Variants in RBFOX1 observed in about 807,000 individuals in gnomAD.
RBFOX1 encodes RNA binding fox-1 homolog 1, also known as RNA binding protein fox-1 homolog 1.
Under a neutral mutation model 57.7 loss-of-function variants are expected in RBFOX1, and 8 were observed. The observed-to-expected ratio is 0.14, with a 90% CI of 0.08 to 0.25. The LOEUF (loss-of-function observed/expected upper bound fraction) is 0.25, where lower values mean the gene tolerates loss of function less well. Among genes scored for constraint, RBFOX1 ranks in the 10% least tolerant of loss-of-function variants. RBFOX1 has a pLI of 1.00. For synonymous variants in RBFOX1, 326 were observed against 222.4 expected (o/e 1.47, Z -4.15); for missense variants, 611 against 548.5 (o/e 1.11, Z -1.14).
At chr16:6,242,914 A>G (rs968121411) in intron 1 of RBFOX1, among the ~76,000 whole-genome samples, 1 of 152,150 alleles carries the variant, frequency 6.6e-6, no homozygotes, top group Non-Finnish European at 1.5e-5. Context: ...ATGTGTATAC[A>G]CTTCAAAAGA....
chr16:6,997,720 C>G (rs538888607), intron 3 of RBFOX1, among the ~76,000 whole-genome samples: 1 of 152,076 alleles, frequency 6.6e-6, no homozygotes, highest in East Asian at 1.9e-4. Context: ...TAGTATAAAT[C>G]TTGTAATGGA....
intron 2 of RBFOX1, among the ~76,000 whole-genome samples, chr16:6,397,416 C>G (rs1336663294): frequency 6.6e-6 from 1 of 151,426 alleles, no homozygotes; most frequent in African/African-American, 2.4e-5. Context: ...ACAAAGAAAT[C>G]TGCCCACCCA....
intron 2 of RBFOX1, among the ~76,000 whole-genome samples, chr16:6,340,312 C>A (rs1470049123): frequency 6.6e-6 from 1 of 152,098 alleles, no homozygotes; most frequent in Non-Finnish European, 1.5e-5. Context: ...AAATTAGTTA[C>A]TGGTGTTACC....
intron 2 of RBFOX1, among the ~76,000 whole-genome samples, chr16:6,643,273 C>T (rs982710615): frequency 1.3e-5 from 2 of 152,190 alleles, no homozygotes; most frequent in Admixed American, 6.5e-5. Flanking sequence ...TATTTGCTCC[C>T]ATCTGCTGGC....
intron 2 of RBFOX1, among the ~76,000 whole-genome samples, chr16:6,641,580 C>A (rs549027832): frequency 1.3e-5 from 2 of 151,774 alleles, no homozygotes; most frequent in African/African-American, 2.4e-5. Flanking sequence ...ACTAGAAATA[C>A]AAAAGTTAGC....
At chr16:6,132,114 G>A (rs923573902) in intron 1 of RBFOX1, among the ~76,000 whole-genome samples, 4 of 152,132 alleles carry the variant, frequency 2.6e-5, no homozygotes, top group Non-Finnish European at 4.4e-5. Flanking sequence ...AGCTTTTAAC[G>A]ACCAATTGAG....
At chr16:6,463,874 C>T (rs1168183290) in intron 2 of RBFOX1, among the ~76,000 whole-genome samples, 1 of 152,084 alleles carries the variant, frequency 6.6e-6, no homozygotes, top group African/African-American at 2.4e-5. Context: ...CTCTCGCGCC[C>T]ACCATGACCT....
rs1555823212 is a variant in RBFOX1, at chr16:7,054,545, T to TTGGGGGG, written c.27+2447_27+2448insTGGGGGG. 3.7e-5 allele frequency among the ~76,000 whole-genome samples: 4 copies of TTGGGGGG among 108,400 alleles called. 1 individual carries two copies. The highest frequency in any genetic ancestry group is 8.1e-5 in the Non-Finnish European group (4 of 49,086). The allele number at this position is 108,400 out of a possible 152,430, so 71.1% of individuals were successfully genotyped here. A position where few individuals can be genotyped will look rare whatever the true frequency, so the allele number is the denominator to read the frequency against. ...TGTGAGCCACTGCGCCAAACCTGGG[T>TTGGGGGG]GGGGGGGCATTTTTTAAGGGTTTCT... On this transcript the variant is annotated intron_variant, in intron 4 of 15. Coordinates refer to ENST00000550418, the MANE Select transcript of RBFOX1 (RefSeq NM_018723.4).
chr16:5,811,140 C>CA (rs1398930137), intron 3 of RBFOX1, among the ~76,000 whole-genome samples: 6 of 123,448 alleles, frequency 4.9e-5, no homozygotes, highest in African/African-American at 1.3e-4. Flanking sequence ...TCTTATGGAA[C>CA]AAATTTTTTT....
chr16:6,775,736 T>G (rs1410990655), intron 3 of RBFOX1: 1 of 152,150 alleles, frequency 6.6e-6, no homozygotes, highest in Non-Finnish European at 1.5e-5. Context: ...TTCAAAGGTG[T>G]GAACCAGCAA....
chr16:6,403,806 A>C (rs1211929098), intron 2 of RBFOX1, among the ~76,000 whole-genome samples: 3 of 152,004 alleles, frequency 2.0e-5, no homozygotes, highest in Admixed American at 6.6e-5. Flanking sequence ...TGGAAACCCT[A>C]CCCCTGAGAA....
chr16:6,535,390 A>C (rs756421743), intron 2 of RBFOX1, among the ~76,000 whole-genome samples: 1 of 151,374 alleles, frequency 6.6e-6, no homozygotes, highest in African/African-American at 2.4e-5. Flanking sequence ...GATTCACTAG[A>C]AGTCTCACAA....
At chr16:5,735,243 G>T (rs2052529825) in intron 3 of RBFOX1, among the ~76,000 whole-genome samples, 1 of 152,100 alleles carries the variant, frequency 6.6e-6, no homozygotes, top group Admixed American at 6.5e-5. Context: ...ACCCTCCATG[G>T]GCACCAAGGA....
intron 4 of RBFOX1, among the ~76,000 whole-genome samples, chr16:7,425,725 G>A (rs975680091): frequency 6.6e-6 from 1 of 152,158 alleles, no homozygotes; most frequent in Non-Finnish European, 1.5e-5. Flanking sequence ...TTCTAGGGGG[G>A]ATAGAGACCC....
chr16:5,801,577 T>G (rs774105322), intron 3 of RBFOX1, among the ~76,000 whole-genome samples: 23 of 152,108 alleles, frequency 1.5e-4, no homozygotes, highest in Non-Finnish European at 2.6e-4. Context: ...GAGTGGGGTT[T>G]GGTTACTTTG....
chr16:5,243,307 AG>A (rs372816245), intron 1 of RBFOX1, among the ~76,000 whole-genome samples: 1 of 152,120 alleles, frequency 6.6e-6, no homozygotes, highest in African/African-American at 2.4e-5. Context: ...AACTCACTGG[AG>A]TCACTGAAAT....
At chr16:6,623,752 T>C (rs973046372) in intron 2 of RBFOX1, among the ~76,000 whole-genome samples, 1 of 152,190 alleles carries the variant, frequency 6.6e-6, no homozygotes, top group African/African-American at 2.4e-5. Context: ...GCTTCATCCA[T>C]GTCCCTACAA....
chr16:6,785,312 A>T (rs771452600), intron 3 of RBFOX1, among the ~76,000 whole-genome samples: 3 of 152,140 alleles, frequency 2.0e-5, no homozygotes, highest in Non-Finnish European at 1.5e-5. Flanking sequence ...AAGCCATCTC[A>T]TTTATCCAGA....
chr16:6,575,894 TAAAG>T lies in RBFOX1; in HGVS notation c.-63-78707_-63-78704del, dbSNP rs1365745602. 7.4e-3 allele frequency among the ~76,000 whole-genome samples: 1,119 copies of T among 150,738 alleles called. 50 individuals are homozygous for T. Among genetic ancestry groups the T allele is most frequent in the Admixed American group, 0.066 (994 of 15,102 alleles). ...ATAAATAAATAAATAAATAAATAAA[TAAAG>T]ATTAATAAAAACATGCAAGATAATT... is the stretch of plus-strand genomic sequence containing the variant. On this transcript the variant is annotated intron_variant, in intron 2 of 15. Transcript: ENST00000550418.
Sources: allele counts gnomAD v4.1 joint callset (sites outside exome capture counted in the v4.1 genomes callset), GRCh38; gene constraint gnomAD v4.1.1; transcripts MANE v1.5; gene names NCBI Gene and HGNC (gene_info 2026-07-23, HGNC 2026-07-21).